LARS2: variants seen among roughly 807,000 people sequenced by gnomAD.
The protein encoded by LARS2 is leucyl-tRNA synthetase 2, mitochondrial.
A neutral mutation model predicts 116.6 loss-of-function variants in LARS2; 81 were observed. The ratio of observed to expected loss-of-function variants is 0.69; its 90% CI spans 0.58 to 0.84. The LOEUF is 0.84. Ranked by LOEUF, LARS2 falls within the 40% of genes least tolerant of loss-of-function variation. LARS2 has a pLI of 0.00. For missense variants in LARS2, 968 were observed against 1,114.5 expected (o/e 0.87, Z 1.87); for synonymous variants, 396 against 407.2 (o/e 0.97, Z 0.33).
intron 7 of LARS2, among the ~76,000 whole-genome samples, chr3:45,457,874 A>C (rs1455752117): frequency 6.6e-6 from 1 of 152,234 alleles, no homozygotes; most frequent in Non-Finnish European, 1.5e-5. Context: ...ATGAATCTTC[A>C]TAATAGTTAA....
intron 8 of LARS2, among the ~76,000 whole-genome samples, chr3:45,463,476 G>A (rs1002682698): frequency 6.6e-6 from 1 of 152,204 alleles, no homozygotes; most frequent in Non-Finnish European, 1.5e-5. Context: ...TCAGATCAGG[G>A]CTCAGGCCTT....
chr3:45,539,271 A>G (rs1479598855), intron 20 of LARS2, among the ~76,000 whole-genome samples: 1 of 152,248 alleles, frequency 6.6e-6, no homozygotes, highest in South Asian at 2.1e-4. Context: ...AAAATGTTAA[A>G]TATTTTTTCA....
At chr3:45,394,138 C>G (rs1698004602) in intron 2 of LARS2, among the ~76,000 whole-genome samples, 2 of 152,314 alleles carry the variant, frequency 1.3e-5, no homozygotes, top group Non-Finnish European at 2.9e-5. Flanking sequence ...GGAGGGCACT[C>G]CATGCCTTCC....
At chr3:45,539,618 G>A (rs1160546720) in intron 20 of LARS2, among the ~76,000 whole-genome samples, 1 of 152,046 alleles carries the variant, frequency 6.6e-6, no homozygotes, top group African/African-American at 2.4e-5. Flanking sequence ...ATGACAGAGT[G>A]AGACTCTGTC....
chr3:45,527,465 A>T (rs1268466334), intron 20 of LARS2, among the ~76,000 whole-genome samples: 2 of 152,178 alleles, frequency 1.3e-5, no homozygotes, highest in African/African-American at 4.8e-5. Flanking sequence ...TCTACTAAAT[A>T]TACAAAAAAT....
intron 6 of LARS2, among the ~76,000 whole-genome samples, chr3:45,435,230 C>T (rs1352337579): frequency 6.6e-6 from 1 of 152,134 alleles, no homozygotes; most frequent in Non-Finnish European, 1.5e-5. Context: ...AGGTGTACCT[C>T]ATTCCTGCTA....
chr3:45,541,947 G>T lies in LARS2; in HGVS notation c.2523G>T (p.Met841Ile), dbSNP rs751197438. 1 of 1,614,212 alleles carries T rather than the reference G, an allele frequency of 6.2e-7. No individual in the cohort carries two copies. The highest frequency in any genetic ancestry group is 1.1e-5 in the South Asian group (1 of 91,074). The change falls in exon 21 of 22, where the codon ATG (methionine) becomes ATT (isoleucine). Residue 841 changes from methionine (M) to isoleucine (I), a missense_variant. Met to Ile is a conservative substitution (Grantham distance 10, BLOSUM62 1). Transcript: ENST00000645846. The stretch of plus-strand genomic sequence containing the variant: ...TGCAGCAGCCTGAGGTTGTCCAGAT[G>T]GCAGTTCTGGTAAGTATCTCCCCTC... ...EFLQQPEVVQ[M>I]AVLINNKACG...
chr3:45,533,603 T>G (rs909312881), intron 20 of LARS2, among the ~76,000 whole-genome samples: 1 of 152,174 alleles, frequency 6.6e-6, no homozygotes, highest in Admixed American at 6.5e-5. Flanking sequence ...TCTGTCTACC[T>G]CCTTCATTTT....
chr3:45,523,885 G>A (rs1700492495), intron 19 of LARS2, 112 bp from the exon 20 acceptor site: 8 of 710,292 alleles, frequency 1.1e-5, no homozygotes, highest in Admixed American at 4.6e-5. Context: ...GATGGCAAAG[G>A]GGGTTTCTTC....
intron 4 of LARS2, among the ~76,000 whole-genome samples, chr3:45,407,473 C>T (rs1469859930): frequency 6.6e-6 from 1 of 152,240 alleles, no homozygotes; most frequent in Non-Finnish European, 1.5e-5. Context: ...CATTCCTCCA[C>T]ATTCCCAGAG....
At chr3:45,449,156 A>AAT (rs1377159409) in intron 7 of LARS2, among the ~76,000 whole-genome samples, 3 of 102,934 alleles carry the variant, frequency 2.9e-5, no homozygotes, top group Non-Finnish European at 5.9e-5. Context: ...TTAACTCACT[A>AAT]TTTTTTTTTT....
chr3:45,476,508 C>A lies in LARS2; in HGVS notation c.899C>A (p.Thr300Lys). 6.2e-7 allele frequency: 1 copy of A among 1,614,194 alleles called. No individual in the cohort carries two copies. Residue 300 changes from threonine (T) to lysine (K), a missense_variant, in exon 10 of 22, where the codon ACG becomes AAG. Thr to Lys is a moderately conservative substitution (Grantham distance 78). Coordinates refer to ENST00000645846, the MANE Select transcript of LARS2 (RefSeq NM_015340.4). ...ACGGGCGAAAAGCTGACTGCCTATA[C>A]GGCCACCCCTGAAGCCATTTATGGC... ...QATGEKLTAY[T>K]ATPEAIYGTS...
At chr3:45,424,791 T>C (rs904298934) in intron 6 of LARS2, among the ~76,000 whole-genome samples, 7 of 152,254 alleles carry the variant, frequency 4.6e-5, no homozygotes, top group Non-Finnish European at 1.0e-4. Flanking sequence ...TTAACAGTTG[T>C]AGGTCTTTCA....
In LARS2 at chr3:45,500,580, G is replaced by C; in HGVS notation, c.1760+1G>C. The C allele has an allele frequency of 1.3e-6, 2 of 1,564,082 alleles. No homozygotes were observed. Among genetic ancestry groups the C allele is most frequent in the East Asian group, 2.4e-5 (1 of 42,092 alleles). Reference sequence around the variant, plus strand: ...ATGATCAAAAAATGGTTAAACATAGGTAAGCACTTATACTGCTTTGCAAAA... The same window carrying C: ...ATGATCAAAAAATGGTTAAACATAGCTAAGCACTTATACTGCTTTGCAAAA... On this transcript the variant is annotated splice_donor_variant, in intron 15 of 21. Transcript: ENST00000645846. LOFTEE classifies it high-confidence loss of function.
intron 20 of LARS2, among the ~76,000 whole-genome samples, chr3:45,532,492 GA>G (rs573250837): frequency 1.8e-4 from 27 of 151,702 alleles, no homozygotes; most frequent in African/African-American, 1.2e-4. Context: ...TTCTGTTTGG[GA>G]AAAAAAATCT....
chr3:45,496,286 C>T lies in LARS2; in HGVS notation c.1535C>T (p.Ala512Val). 1 of 1,612,866 alleles carries T rather than the reference C, an allele frequency of 6.2e-7. No individual in the cohort carries two copies. Among genetic ancestry groups the T allele is most frequent in the Non-Finnish European group, 8.5e-7 (1 of 1,178,894 alleles). ...VNCSCPRCKG[A>V]AKRETDTMDT... is the part of the protein sequence containing the mutation. ...CATTTCTTTCTTAGGTGCAAGGGAG[C>T]AGCCAAGAGAGAGACAGACACGATG... The change falls in exon 14 of 22, where the codon GCA becomes GTA. Residue 512 changes from alanine (A) to valine (V), a missense_variant. By Grantham distance (64) the Ala-to-Val change is moderately conservative (BLOSUM62 0). Coordinates refer to ENST00000645846, the MANE Select transcript of LARS2 (RefSeq NM_015340.4).
intron 6 of LARS2, among the ~76,000 whole-genome samples, chr3:45,422,715 C>T (rs774467335): frequency 3.3e-5 from 5 of 152,118 alleles, no homozygotes; most frequent in African/African-American, 4.8e-5. Flanking sequence ...GCTTTTAATA[C>T]TTGGCAACAG....
At chr3:45,477,167 A>G (rs746049865) in intron 10 of LARS2, among the ~76,000 whole-genome samples, 7 of 152,214 alleles carry the variant, frequency 4.6e-5, no homozygotes, top group Non-Finnish European at 8.8e-5. Flanking sequence ...GAATCGGCAT[A>G]TCAAGTTGTA....
chr3:45,442,320 C>T (rs1272730172), intron 6 of LARS2, among the ~76,000 whole-genome samples: 1 of 152,144 alleles, frequency 6.6e-6, no homozygotes, highest in Non-Finnish European at 1.5e-5. Flanking sequence ...AGGGTTCAGT[C>T]TGGAATTTGG....
Sources: gnomAD v4.1 joint callset for allele counts (sites outside exome capture counted in the v4.1 genomes callset) on GRCh38, gnomAD v4.1.1 for gene constraint, MANE v1.5 for transcripts, NCBI Gene and HGNC (gene_info 2026-07-23, HGNC 2026-07-21) for gene names.